PCDHGA3: variants seen among roughly 807,000 people sequenced by gnomAD.
PCDHGA3 encodes the protein protocadherin gamma-A3.
Under a neutral mutation model 58.5 loss-of-function variants are expected in PCDHGA3, and 40 were observed. That is an observed-to-expected ratio of 0.68 (90% CI 0.53 to 0.89). PCDHGA3 has a LOEUF of 0.89. Ranked by LOEUF, PCDHGA3 falls within the 40% of genes least tolerant of loss-of-function variation. PCDHGA3 has a pLI of 0.00. For missense variants in PCDHGA3, 1,223 were observed against 1,195.9 expected (o/e 1.02, Z -0.33); for synonymous variants, 530 against 525.7 (o/e 1.01, Z -0.11).
Position 141,458,657 on chromosome 5 carries a change from C to T in PCDHGA3, c.2425-36150C>T, listed in dbSNP as rs1214452360. On this transcript the variant is annotated intron_variant, in intron 1 of 3. Coordinates refer to ENST00000253812, the MANE Select transcript of PCDHGA3 (RefSeq NM_018916.4). ...CAATCCCAGCTCACTGCAACCTCCA[C>T]CTCTCGGGTTCAAGCAATTCTACTG... Among the ~76,000 whole-genome samples, 6 of 152,276 alleles carry T rather than the reference C, an allele frequency of 3.9e-5. No homozygotes were observed. In the East Asian group the frequency reaches 9.6e-4, roughly 24 times the overall value.
rs1293684074 is a variant in PCDHGA3 at position 141,512,899 on chromosome 5, C to T, written c.*1726C>T. On this transcript the variant is annotated 3_prime_UTR_variant, in exon 4 of 4. Transcript: ENST00000253812. ...CCCACCCCACCCTCTTCCTGTGTCT[C>T]ACGCAAGTTTTATACTCTAATATTT... 1 of 152,260 alleles carries T rather than the reference C, an allele frequency of 6.6e-6. No homozygotes were observed. Among genetic ancestry groups the T allele is most frequent in the Non-Finnish European group, 1.5e-5 (1 of 68,064 alleles). 9.4% of individuals were successfully genotyped at this position (152,260 alleles called of 1,614,324 possible). A position where few individuals can be genotyped will look rare whatever the true frequency, so the allele number is the denominator to read the frequency against.
chr5:141,487,812 T>A lies in PCDHGA3; in HGVS notation c.2425-6995T>A. ...TAACCAGAGTTGTCACAGTTTAGCA[T>A]TGGGGGCGGGTCATGCCTATATCTG... On this transcript the variant is annotated intron_variant, in intron 1 of 3. Coordinates refer to ENST00000253812, the MANE Select transcript of PCDHGA3 (RefSeq NM_018916.4). The surrounding 1 kb of genome is among the most constrained non-coding windows in gnomAD (Gnocchi z 5.0). 1 of 1,408,206 alleles carries A rather than the reference T, an allele frequency of 7.1e-7. No individual in the cohort carries two copies. The highest frequency in any genetic ancestry group is 9.7e-7 in the Non-Finnish European group (1 of 1,036,248). 87.2% of individuals were successfully genotyped at this position (1,408,206 alleles called of 1,614,324 possible). A position where few individuals can be genotyped will look rare whatever the true frequency, so the allele number is the denominator to read the frequency against.
intron 1 of PCDHGA3, chr5:141,420,276 T>C: frequency 6.6e-7 from 1 of 1,523,250 alleles, no homozygotes; most frequent in Non-Finnish European, 8.9e-7. Context: ...CTTAAACAGG[T>C]AAGTATTTAA....
At chr5:141,404,662 T>G (rs1314002801) in intron 1 of PCDHGA3, 1 of 1,614,208 alleles carries the variant, frequency 6.2e-7, no homozygotes, top group East Asian at 2.2e-5. Flanking sequence ...TCCCCACTGA[T>G]GGTTCTACTG....
At chr5:141,409,995 C>A (rs777416137) in intron 1 of PCDHGA3, 2 of 1,613,308 alleles carry the variant, frequency 1.2e-6, no homozygotes, top group Admixed American at 3.3e-5. Flanking sequence ...GACGCCGACT[C>A]GGGACACAAC....
intron 1 of PCDHGA3, chr5:141,419,497 G>T (rs1357823931): frequency 9.9e-6 from 16 of 1,612,390 alleles, no homozygotes; most frequent in Non-Finnish European, 1.4e-5. Context: ...GCGCCAATGT[G>T]AGCCTGCGCG....
chr5:141,398,683 C>A, intron 1 of PCDHGA3: 1 of 1,613,914 alleles, frequency 6.2e-7, no homozygotes, highest in Non-Finnish European at 8.5e-7. Flanking sequence ...TAAGGAGAAA[C>A]AGGATGGTAG....
intron 1 of PCDHGA3, among the ~76,000 whole-genome samples, chr5:141,368,980 A>G (rs907841049): frequency 4.6e-5 from 7 of 152,190 alleles, no homozygotes; most frequent in Non-Finnish European, 7.3e-5. Context: ...CTTTTCCACT[A>G]TAAGGTGAAT....
chr5:141,350,281 C>T (rs1248847691), intron 1 of PCDHGA3: 2 of 1,511,576 alleles, frequency 1.3e-6, no homozygotes, highest in African/African-American at 1.4e-5. Flanking sequence ...CCAGAGAAGC[C>T]GAAATGATGA....
At chr5:141,505,353 G>A (rs376781305) in intron 2 of PCDHGA3, 40 bp from the exon 3 acceptor site, 51 of 1,613,426 alleles carry the variant, frequency 3.2e-5, no homozygotes, top group East Asian at 2.7e-4. Flanking sequence ...GAGCTGTGCC[G>A]GCCTGGGAGT....
chr5:141,415,740 GTTTTTTTTTTTTTTTTT>G (rs57426385), intron 1 of PCDHGA3: 62 of 625,030 alleles, frequency 9.9e-5, no homozygotes, highest in East Asian at 4.1e-4. Flanking sequence ...GTTTATTAAG[GTTTTTTTTTTTTTTTTT>G]TTTTTTTTTT....
intron 1 of PCDHGA3, chr5:141,357,632 C>T (rs1588529115): frequency 1.2e-6 from 2 of 1,612,944 alleles, no homozygotes; most frequent in South Asian, 1.1e-5. Flanking sequence ...GTGAGTCAAT[C>T]TTATAATAGA....
chr5:141,413,652 G>T, intron 1 of PCDHGA3: 4 of 1,613,780 alleles, frequency 2.5e-6, no homozygotes, highest in Non-Finnish European at 3.4e-6. Context: ...TTCCTCTCCC[G>T]GAAGCTATTG....
chr5:141,350,158 CCTAA>C, intron 1 of PCDHGA3: 1 of 1,055,330 alleles, frequency 9.5e-7, no homozygotes. Flanking sequence ...CCCTCGAGCG[CCTAA>C]CTAATAAGTC....
At chr5:141,366,560 G>A (rs1441467698) in intron 1 of PCDHGA3, 2 of 1,614,132 alleles carry the variant, frequency 1.2e-6, no homozygotes, top group Non-Finnish European at 1.7e-6. Flanking sequence ...TGTGGGCGTG[G>A]ATGGGGTTCG....
chr5:141,436,207 A>T (rs544201723), intron 1 of PCDHGA3, among the ~76,000 whole-genome samples: 1 of 152,142 alleles, frequency 6.6e-6, no homozygotes, highest in Admixed American at 6.5e-5. Context: ...ACATAATAGG[A>T]AAACAAATGA....
chr5:141,458,059 T>A (rs533147047), intron 1 of PCDHGA3, among the ~76,000 whole-genome samples: 1 of 152,238 alleles, frequency 6.6e-6, no homozygotes, highest in Admixed American at 6.5e-5. Flanking sequence ...CTTGCTGCAC[T>A]GATGCGAACA....
intron 1 of PCDHGA3, among the ~76,000 whole-genome samples, chr5:141,346,980 G>A (rs972470913): frequency 1.3e-5 from 2 of 151,996 alleles, no homozygotes; most frequent in African/African-American, 4.8e-5. Context: ...CAAGACAGGT[G>A]ACACTCTTTT....
intron 1 of PCDHGA3, chr5:141,395,603 G>C: frequency 5.0e-6 from 1 of 198,204 alleles, no homozygotes; most frequent in Non-Finnish European, 1.0e-5. Context: ...TCCCAAACTA[G>C]AACTTCAGAA....
Sources: gnomAD v4.1 joint callset for allele counts (sites outside exome capture counted in the v4.1 genomes callset) on GRCh38, gnomAD v4.1.1 for gene constraint, Gnocchi (gnomAD v3.1) non-coding constraint, MANE v1.5 for transcripts, NCBI Gene and HGNC (gene_info 2026-07-23, HGNC 2026-07-21) for gene names.